PPFIA3: variants seen among roughly 807,000 people sequenced by gnomAD.
The protein encoded by PPFIA3 is liprin-alpha-3.
Under a neutral mutation model 145.8 loss-of-function variants are expected in PPFIA3, and 26 were observed. The ratio of observed to expected loss-of-function variants is 0.18; its 90% CI spans 0.13 to 0.25. The LOEUF is 0.25. PPFIA3 is among the 10% of genes least tolerant of loss of function. The pLI, the probability that PPFIA3 is intolerant of heterozygous loss-of-function variation, is 1.00. For synonymous variants in PPFIA3, 645 were observed against 661.4 expected (o/e 0.98, Z 0.38); for missense variants, 1,008 against 1,587.8 (o/e 0.63, Z 6.21).
chr19:49,134,595 G>A (rs757800219), intron 11 of PPFIA3, 44 bp from the exon 12 acceptor site: 5 of 1,578,052 alleles, frequency 3.2e-6, no homozygotes, highest in Non-Finnish European at 4.4e-6. Flanking sequence ...CCACGGGCGT[G>A]GCCCCTCAGG....
chr19:49,146,785 C>A (rs1238756380), intron 23 of PPFIA3, among the ~76,000 whole-genome samples: 1 of 152,084 alleles, frequency 6.6e-6, no homozygotes, highest in Non-Finnish European at 1.5e-5. Flanking sequence ...CAAAAATTAG[C>A]CGGGTGCAGT....
chr19:49,127,394 A>AG (rs1278616689), intron 1 of PPFIA3, among the ~76,000 whole-genome samples: 1 of 150,086 alleles, frequency 6.7e-6, no homozygotes, highest in African/African-American at 2.4e-5. Flanking sequence ...AAAAAAAAAA[A>AG]AAAAAAAAAA....
chr19:49,134,479 A>G (rs1315330623), intron 11 of PPFIA3, among the ~76,000 whole-genome samples, 160 bp from the exon 12 acceptor site: 1 of 152,080 alleles, frequency 6.6e-6, no homozygotes, highest in African/African-American at 2.4e-5. Context: ...TTCTCTCCCC[A>G]GAAACATCGT....
intron 21 of PPFIA3, 23 bp from the exon 22 acceptor site, chr19:49,145,920 C>A: frequency 6.2e-7 from 1 of 1,610,998 alleles, no homozygotes; most frequent in Non-Finnish European, 8.5e-7. Flanking sequence ...TCCCACCATC[C>A]ATTAACACTC....
At chr19:49,124,287 G>A (rs2040970938) in intron 1 of PPFIA3, among the ~76,000 whole-genome samples, 1 of 151,886 alleles carries the variant, frequency 6.6e-6, no homozygotes, top group Admixed American at 6.6e-5. Context: ...TCAAACCCCT[G>A]GGCTCGAGTG....
intron 20 of PPFIA3, 70 bp downstream of exon 20, chr19:49,142,185 C>A (rs991571200): frequency 3.6e-5 from 49 of 1,355,112 alleles, no homozygotes; most frequent in Non-Finnish European, 4.0e-5. Context: ...GTAGGGGCTG[C>A]CTGGTCCTCC....
chr19:49,137,196 T>TC (rs2041149158), intron 15 of PPFIA3: 1 of 329,606 alleles, frequency 3.0e-6, no homozygotes, highest in African/African-American at 2.1e-5. Context: ...ATCAAGAATC[T>TC]TCCATTACGC....
chr19:49,129,316 CA>C, intron 4 of PPFIA3, 63 bp from the exon 5 acceptor site: 3 of 1,508,544 alleles, frequency 2.0e-6, no homozygotes, highest in Non-Finnish European at 2.7e-6. Flanking sequence ...TGTTCTGGAC[CA>C]GGGGCAACTG....
intron 25 of PPFIA3, 94 bp downstream of exon 25, chr19:49,148,857 T>G (rs1349113507): frequency 3.3e-6 from 5 of 1,496,292 alleles, no homozygotes; most frequent in Non-Finnish European, 4.5e-6. Flanking sequence ...GAGAAGCAAA[T>G]TGGCACCATA....
intron 14 of PPFIA3, 126 bp downstream of exon 14, chr19:49,136,049 A>C: frequency 8.9e-7 from 1 of 1,126,328 alleles, no homozygotes; most frequent in South Asian, 2.2e-5. Flanking sequence ...GGACTCATCC[A>C]CTCACCCTTT....
chr19:49,129,311 T>G, intron 4 of PPFIA3, 69 bp from the exon 5 acceptor site: 2 of 1,499,992 alleles, frequency 1.3e-6, no homozygotes, highest in Non-Finnish European at 1.8e-6. Context: ...AGGGGTGTTC[T>G]GGACCAGGGG....
At position 49,145,977 on chromosome 19, in the gene PPFIA3, T is replaced by G; in HGVS notation, c.2780T>G (p.Met927Arg). The change falls in exon 22 of 30, where the codon ATG becomes AGG. Residue 927 changes from methionine (M) to arginine (R), a missense_variant. By Grantham distance (91) the Met-to-Arg change is moderately conservative (BLOSUM62 -1). Coordinates refer to ENST00000334186, the MANE Select transcript of PPFIA3 (RefSeq NM_003660.4). ...AACGTGTGGATGACACACGAGGAGA[T>G]GGAGTCCCTTACGGCCACGACCAAG... ...TGNVWMTHEE[M>R]ESLTATTKPE... The G allele has an allele frequency of 6.2e-7, 1 of 1,613,756 alleles. No individual in the cohort carries two copies. Among genetic ancestry groups the G allele is most frequent in the Non-Finnish European group, 8.5e-7 (1 of 1,179,940 alleles).
intron 1 of PPFIA3, among the ~76,000 whole-genome samples, chr19:49,122,525 G>A (rs896328907): frequency 3.9e-5 from 6 of 152,106 alleles, no homozygotes; most frequent in Admixed American, 6.6e-5. Context: ...TTTCAGCCAC[G>A]TTGTTCTAGA....
chr19:49,150,388 A>G lies in PPFIA3; in HGVS notation c.*166A>G, dbSNP rs1012040172. The G allele has an allele frequency of 4.4e-5, 20 of 459,770 alleles. No homozygotes were observed. The highest frequency in any genetic ancestry group is 6.7e-5 in the Non-Finnish European group (17 of 255,308). 28.5% of individuals were successfully genotyped at this position (459,770 alleles called of 1,614,324 possible). On this transcript the variant is annotated 3_prime_UTR_variant, in exon 30 of 30. Transcript: ENST00000334186. Reference sequence around the variant, plus strand: ...GCGGGAGTGCGCGCGCCCGCCTCGCACAGGGCCGGGGCCTGGACCAAACCA... The same window carrying G: ...GCGGGAGTGCGCGCGCCCGCCTCGCGCAGGGCCGGGGCCTGGACCAAACCA...
intron 16 of PPFIA3, among the ~76,000 whole-genome samples, chr19:49,138,797 C>G (rs1484993040): frequency 6.6e-6 from 1 of 152,104 alleles, no homozygotes; most frequent in African/African-American, 2.4e-5. Context: ...TGGTGAAACC[C>G]CCACCTCTAC....
intron 19 of PPFIA3, among the ~76,000 whole-genome samples, chr19:49,141,767 A>ATT (rs1173581121): frequency 2.7e-4 from 41 of 150,638 alleles, no homozygotes; most frequent in African/African-American, 1.0e-3. Flanking sequence ...TTTTTTAAAA[A>ATT]TTTTTTTTGT....
chr19:49,121,707 C>T (rs112177779), intron 1 of PPFIA3, among the ~76,000 whole-genome samples: 9,198 of 151,908 alleles, frequency 0.061, 323 homozygotes, highest in Middle Eastern at 0.12. Context: ...ACCCCGGAGG[C>T]GGAGGTTGCA....
intron 23 of PPFIA3, among the ~76,000 whole-genome samples, chr19:49,146,881 G>T (rs2041286985): frequency 6.6e-6 from 1 of 152,010 alleles, no homozygotes; most frequent in Non-Finnish European, 1.5e-5. Flanking sequence ...ACTGAGCCGA[G>T]ATTGCACCAT....
intron 23 of PPFIA3, among the ~76,000 whole-genome samples, chr19:49,147,122 T>A (rs1015881557): frequency 2.0e-5 from 3 of 152,128 alleles, no homozygotes; most frequent in Non-Finnish European, 4.4e-5. Flanking sequence ...AGATATAACA[T>A]TAGACAAGTA....
Sources: gnomAD v4.1 joint callset for allele counts (sites outside exome capture counted in the v4.1 genomes callset) on GRCh38, gnomAD v4.1.1 for gene constraint, MANE v1.5 for transcripts, NCBI Gene and HGNC (gene_info 2026-07-23, HGNC 2026-07-21) for gene names.